SGCZ: variants seen among roughly 807,000 people sequenced by gnomAD.
SGCZ encodes sarcoglycan zeta, also known as zeta-sarcoglycan.
In SGCZ, 40 loss-of-function variants were observed where a neutral mutation model predicts 41.3. The ratio of observed to expected loss-of-function variants is 0.97; its 90% confidence interval spans 0.75 to 1.26. The LOEUF is 1.26. Among genes scored for constraint, SGCZ ranks in the 50% most tolerant of loss-of-function variants. The probability of loss-of-function intolerance (pLI) is 0.00; values close to 1 mark genes in which losing one functional copy is unlikely to be tolerated. For synonymous variants in SGCZ, 206 were observed against 137.5 expected, an observed-to-expected ratio of 1.50 and a Z score of -3.49; for missense variants, 552 against 369.8, an observed-to-expected ratio of 1.49 and a Z score of -4.04.
intron 2 of SGCZ, among the ~76,000 whole-genome samples, chr8:14,436,286 C>A (rs1209875932): frequency 6.6e-6 from 1 of 152,138 alleles, no homozygotes; most frequent in Non-Finnish European, 1.5e-5. Flanking sequence ...AAGGAGAGGA[C>A]AGATCTGTAA....
In SGCZ at chr8:14,958,148, T is replaced by C. The variant is rs114295452; in HGVS notation, c.39+279437A>G. 5.4e-3 allele frequency among the ~76,000 whole-genome samples: 820 copies of C among 152,148 alleles called. 7 individuals carry two copies. The highest frequency in any genetic ancestry group is 0.019 in the African/African-American group (772 of 41,544). ...TCCTCTGGACTTTTTTATTTGAAAT[T>C]TTTTCTTTTTCTTTTTTCTTTTTAC... On this transcript the variant is annotated intron_variant, in intron 1 of 7. Coordinates refer to ENST00000382080, the MANE Select transcript of SGCZ (RefSeq NM_139167.4).
intron 1 of SGCZ, among the ~76,000 whole-genome samples, chr8:15,200,344 C>T (rs1800852341): frequency 6.6e-6 from 1 of 152,168 alleles, no homozygotes; most frequent in African/African-American, 2.4e-5. Flanking sequence ...CCAGGACTTC[C>T]TCAGCCCTGG....
chr8:14,740,299 C>G (rs1280660914), intron 1 of SGCZ, among the ~76,000 whole-genome samples: 1 of 151,982 alleles, frequency 6.6e-6, no homozygotes, highest in Non-Finnish European at 1.5e-5. Context: ...AGGGAAGGAT[C>G]CTCAAGTGAC....
intron 1 of SGCZ, among the ~76,000 whole-genome samples, chr8:14,742,448 A>T (rs996885750): frequency 6.6e-6 from 1 of 152,066 alleles, no homozygotes; most frequent in African/African-American, 2.4e-5. Context: ...ATGGAGGAAA[A>T]TTTAAGCACC....
At chr8:15,218,404 A>G (rs1473832217) in intron 1 of SGCZ, among the ~76,000 whole-genome samples, 2 of 152,220 alleles carry the variant, frequency 1.3e-5, no homozygotes, top group Non-Finnish European at 2.9e-5. Context: ...ACACATCCCA[A>G]TGCATATTTT....
intron 1 of SGCZ, among the ~76,000 whole-genome samples, chr8:14,751,246 A>C (rs181670139): frequency 6.6e-6 from 1 of 152,328 alleles, no homozygotes; most frequent in East Asian, 1.9e-4. Context: ...AGTTTAATGA[A>C]TCAGCAAATG....
intron 1 of SGCZ, among the ~76,000 whole-genome samples, chr8:14,567,836 G>T (rs1479565721): frequency 6.6e-6 from 1 of 152,158 alleles, no homozygotes; most frequent in African/African-American, 2.4e-5. Context: ...AACACTCACT[G>T]CGAAGGTCTG....
At chr8:15,123,336 G>T (rs1272430934) in intron 1 of SGCZ, among the ~76,000 whole-genome samples, 1 of 151,918 alleles carries the variant, frequency 6.6e-6, no homozygotes, top group South Asian at 2.1e-4. Context: ...TCATATTCAG[G>T]CCTTCTTTCC....
intron 1 of SGCZ, among the ~76,000 whole-genome samples, chr8:14,820,354 G>A (rs1007787950): frequency 6.6e-6 from 1 of 151,872 alleles, no homozygotes; most frequent in Admixed American, 6.6e-5. Context: ...GAGCACCCAG[G>A]TATATAATGA....
At chr8:14,215,349 A>T (rs1229437917) in intron 4 of SGCZ, among the ~76,000 whole-genome samples, 1 of 152,172 alleles carries the variant, frequency 6.6e-6, no homozygotes, top group Non-Finnish European at 1.5e-5. Context: ...TAAAAATGAA[A>T]ATATCACATC....
chr8:15,110,728 G>A (rs1180153318), intron 1 of SGCZ, among the ~76,000 whole-genome samples: 1 of 152,162 alleles, frequency 6.6e-6, no homozygotes, highest in African/African-American at 2.4e-5. Flanking sequence ...CAGCACTTTG[G>A]GAAGCCAAGG....
chr8:14,585,785 A>G (rs911838850), intron 1 of SGCZ, among the ~76,000 whole-genome samples: 4 of 152,184 alleles, frequency 2.6e-5, no homozygotes, highest in African/African-American at 7.2e-5. Flanking sequence ...AGATGATTCA[A>G]TGAAAACAAA....
chr8:14,327,823 C>G lies in SGCZ; in HGVS notation c.235-3619G>C, dbSNP rs1305923260. On this transcript the variant is annotated intron_variant, in intron 2 of 7. Coordinates refer to ENST00000382080, the MANE Select transcript of SGCZ (RefSeq NM_139167.4). ...TTGAGATGGAGTCTCGCTCTTTCGCCAGGCTGGAGTGCAGCGGCGCAATCT... is the reference window on the plus strand; with the variant it reads ...TTGAGATGGAGTCTCGCTCTTTCGCGAGGCTGGAGTGCAGCGGCGCAATCT... Among the ~76,000 whole-genome samples, 8 of 152,260 alleles carry G rather than the reference C, an allele frequency of 5.3e-5. No homozygotes were observed. The East Asian group carries it at 1.5e-3, about 29-fold the overall frequency.
chr8:15,123,968 G>C (rs1354613872), intron 1 of SGCZ, among the ~76,000 whole-genome samples: 1 of 152,128 alleles, frequency 6.6e-6, no homozygotes, highest in Non-Finnish European at 1.5e-5. Flanking sequence ...GAAGAAAGAG[G>C]GAACATTGGA....
chr8:15,156,667 GGC>G, intron 1 of SGCZ, among the ~76,000 whole-genome samples: 1 of 152,264 alleles, frequency 6.6e-6, no homozygotes, highest in South Asian at 2.1e-4. Context: ...TTCTCGGCCA[GGC>G]GCGGTGGCTC....
At chr8:14,835,644 G>A (rs1159516686) in intron 1 of SGCZ, among the ~76,000 whole-genome samples, 1 of 152,174 alleles carries the variant, frequency 6.6e-6, no homozygotes, top group African/African-American at 2.4e-5. Context: ...GTTCTAATTT[G>A]ATATTCCACC....
At chr8:14,701,645 C>G (rs1264744004) in intron 1 of SGCZ, among the ~76,000 whole-genome samples, 1 of 151,904 alleles carries the variant, frequency 6.6e-6, no homozygotes, top group Admixed American at 6.6e-5. Flanking sequence ...ATTCCTGCAG[C>G]TTTCTCTTCT....
At chr8:14,367,944 C>A (rs1803772186) in intron 2 of SGCZ, among the ~76,000 whole-genome samples, 1 of 152,082 alleles carries the variant, frequency 6.6e-6, no homozygotes, top group African/African-American at 2.4e-5. Flanking sequence ...TGATAAATCC[C>A]TGAAACTGAT....
At chr8:14,910,062 A>C (rs1420799225) in intron 1 of SGCZ, among the ~76,000 whole-genome samples, 2 of 152,128 alleles carry the variant, frequency 1.3e-5, no homozygotes, top group Admixed American at 6.5e-5. Flanking sequence ...AAGCTGTCTT[A>C]TCTAAATATA....
Sources: gnomAD v4.1 joint callset for allele counts (sites outside exome capture counted in the v4.1 genomes callset) on GRCh38, gnomAD v4.1.1 for gene constraint, MANE v1.5 for transcripts, NCBI Gene and HGNC (gene_info 2026-07-23, HGNC 2026-07-21) for gene names.